The following TRIP12 variants were observed in gnomAD, a reference collection of about 807,000 sequenced individuals.
TRIP12 encodes E3 ubiquitin-protein ligase TRIP12.
Under a neutral mutation model 244.2 loss-of-function variants are expected in TRIP12, and 25 were observed. The ratio of observed to expected loss-of-function variants is 0.10; its 90% CI spans 0.07 to 0.14. The LOEUF (loss-of-function observed/expected upper bound fraction) is 0.14, where lower values mean the gene tolerates loss of function less well. TRIP12 is among the 10% of genes least tolerant of loss of function. The pLI, the probability that TRIP12 is intolerant of heterozygous loss-of-function variation, is 1.00. For missense variants in TRIP12, 1,677 were observed against 2,486.4 expected, an observed-to-expected ratio of 0.67 and a Z score of 6.92; for synonymous variants, 905 against 873.1, an observed-to-expected ratio of 1.04 and a Z score of -0.64.
intron 1 of TRIP12, among the ~76,000 whole-genome samples, chr2:229,902,331 G>A (rs900451309): frequency 6.6e-6 from 1 of 151,998 alleles, no homozygotes; most frequent in African/African-American, 2.4e-5. Flanking sequence ...AGTGAGCCGA[G>A]ATCGCGCCAC....
At chr2:229,907,718 A>T (rs1394392120) in intron 1 of TRIP12, among the ~76,000 whole-genome samples, 1 of 152,176 alleles carries the variant, frequency 6.6e-6, no homozygotes, top group Non-Finnish European at 1.5e-5. Flanking sequence ...CGAGAGGACC[A>T]CTTGAGCCCA....
chr2:229,802,960 T>C (rs2044794042), intron 20 of TRIP12, among the ~76,000 whole-genome samples: 1 of 152,060 alleles, frequency 6.6e-6, no homozygotes, highest in Non-Finnish European at 1.5e-5. Flanking sequence ...GAGCTAAACA[T>C]TAACTTGTGA....
chr2:229,784,096 G>A, intron 34 of TRIP12, among the ~76,000 whole-genome samples: 1 of 122,294 alleles, frequency 8.2e-6, no homozygotes. Context: ...GGCAACAAGA[G>A]CAAAACTCCG....
intron 2 of TRIP12, among the ~76,000 whole-genome samples, chr2:229,867,261 G>T (rs544011125): frequency 5.3e-5 from 8 of 151,110 alleles, no homozygotes; most frequent in Non-Finnish European, 1.0e-4. Flanking sequence ...TGCCTCCTGG[G>T]TTCAAGAGAT....
In TRIP12 at chr2:229,791,020, T is replaced by C. The variant is rs2041392341; in HGVS notation, c.4543+104A>G. On this transcript the variant is annotated intron_variant, in intron 30 of 41. Coordinates refer to ENST00000675903, the MANE Select transcript of TRIP12 (RefSeq NM_001348323.3). Reference sequence around the variant, plus strand: ...TGTAATGTCATTTATTTCTCAACTATATTCAAAAATTTTACTACTAAATCC... The same window carrying C: ...TGTAATGTCATTTATTTCTCAACTACATTCAAAAATTTTACTACTAAATCC... 5 of 1,411,962 alleles carry C rather than the reference T, an allele frequency of 3.5e-6. No homozygotes were observed. In the South Asian group the frequency reaches 3.9e-5, roughly 11 times the overall value. The allele number at this position is 1,411,962 out of a possible 1,614,324, so 87.5% of individuals were successfully genotyped here.
chr2:229,920,312 C>T (rs1290915557), intron 1 of TRIP12, among the ~76,000 whole-genome samples: 3 of 152,160 alleles, frequency 2.0e-5, no homozygotes, highest in Non-Finnish European at 2.9e-5. Flanking sequence ...AAGTTAAACA[C>T]ATCACTAAAG....
At chr2:229,803,754 T>C in intron 19 of TRIP12, 65 bp from the exon 20 acceptor site, 1 of 1,212,728 alleles carries the variant, frequency 8.2e-7, no homozygotes, top group South Asian at 1.4e-5. Flanking sequence ...TTGGCCATAC[T>C]ACTTTAAATT....
intron 23 of TRIP12, 86 bp downstream of exon 23, chr2:229,798,789 T>C: frequency 7.0e-7 from 1 of 1,423,756 alleles, no homozygotes; most frequent in Non-Finnish European, 9.6e-7. Flanking sequence ...ATGTATCGTC[T>C]CCACACAATA....
intron 1 of TRIP12, among the ~76,000 whole-genome samples, chr2:229,920,647 G>A (rs13429845): frequency 3.3e-5 from 5 of 152,138 alleles, no homozygotes; most frequent in African/African-American, 9.7e-5. Context: ...TGCCCCTTCC[G>A]TTATCTCCTC....
intron 39 of TRIP12, 99 bp from the exon 40 acceptor site, chr2:229,769,424 C>A: frequency 9.9e-6 from 9 of 912,366 alleles, no homozygotes; most frequent in South Asian, 1.9e-5. Context: ...GTATCAGTCT[C>A]AGTACTAAAA....
At chr2:229,771,455 C>T in intron 39 of TRIP12, 64 bp downstream of exon 39, 1 of 1,380,168 alleles carries the variant, frequency 7.2e-7, no homozygotes, top group Non-Finnish European at 1.0e-6. Context: ...TTTGACTAGG[C>T]AGCACAGAAA....
intron 17 of TRIP12, among the ~76,000 whole-genome samples, chr2:229,806,888 T>C (rs922061955): frequency 6.6e-6 from 1 of 152,206 alleles, no homozygotes; most frequent in Non-Finnish European, 1.5e-5. Context: ...ACATCAAAGA[T>C]TGAAATTAGA....
intron 1 of TRIP12, among the ~76,000 whole-genome samples, chr2:229,883,188 G>A (rs1348251688): frequency 6.6e-6 from 1 of 152,132 alleles, no homozygotes; most frequent in Non-Finnish European, 1.5e-5. Flanking sequence ...GTAATTTGTT[G>A]AAGAACCAGT....
At chr2:229,862,439 T>TTA (rs1264552332) in intron 2 of TRIP12, among the ~76,000 whole-genome samples, 1 of 152,200 alleles carries the variant, frequency 6.6e-6, no homozygotes, top group Non-Finnish European at 1.5e-5. Context: ...GAAATATAAA[T>TTA]TATGTCATTC....
At chr2:229,776,510 A>T (rs937945071) in intron 37 of TRIP12, among the ~76,000 whole-genome samples, 2 of 152,208 alleles carry the variant, frequency 1.3e-5, no homozygotes, top group African/African-American at 4.8e-5. Flanking sequence ...TGAATCTTAC[A>T]AATCTTCTAA....
chr2:229,904,416 CAAAA>C (rs34224407), intron 1 of TRIP12, among the ~76,000 whole-genome samples: 4 of 87,624 alleles, frequency 4.6e-5, no homozygotes, highest in Admixed American at 1.5e-4. Flanking sequence ...ACTCCATCTC[CAAAA>C]AAAAAAAAAA....
intron 1 of TRIP12, among the ~76,000 whole-genome samples, chr2:229,898,622 T>A (rs1459088490): frequency 1.3e-5 from 2 of 152,144 alleles, no homozygotes; most frequent in Non-Finnish European, 2.9e-5. Flanking sequence ...AATAAAAAAA[T>A]CAACTTTTTA....
At chr2:229,891,303 T>C (rs571912778) in intron 1 of TRIP12, among the ~76,000 whole-genome samples, 1 of 151,562 alleles carries the variant, frequency 6.6e-6, no homozygotes, top group South Asian at 2.1e-4. Flanking sequence ...TGCACATCTG[T>C]GGCCCCAGCT....
intron 6 of TRIP12, among the ~76,000 whole-genome samples, chr2:229,832,164 A>G (rs966625681): frequency 2.0e-5 from 3 of 152,216 alleles, no homozygotes; most frequent in East Asian, 1.9e-4. Context: ...GGGATTAAAA[A>G]AAAAATTCTT....
Sources: gnomAD v4.1 joint callset for allele counts (sites outside exome capture counted in the v4.1 genomes callset) on GRCh38, gnomAD v4.1.1 for gene constraint, MANE v1.5 for transcripts, NCBI Gene and HGNC (gene_info 2026-07-23, HGNC 2026-07-21) for gene names.